EVI5: variants seen among roughly 807,000 people sequenced by gnomAD.
The protein encoded by EVI5 is ecotropic viral integration site 5 protein homolog.
EVI5 carries 73 observed loss-of-function variants against 112.0 expected under a neutral mutation model. The ratio of observed to expected loss-of-function variants is 0.65; its 90% CI spans 0.54 to 0.79. EVI5 has a LOEUF of 0.79. Among genes scored for constraint, EVI5 ranks in the 30% least tolerant of loss-of-function variants. EVI5 has a pLI of 0.00. For synonymous variants in EVI5, 305 were observed against 319.9 expected, an observed-to-expected ratio of 0.95 and a Z score of 0.50; for missense variants, 900 against 968.8, an observed-to-expected ratio of 0.93 and a Z score of 0.94.
intron 18 of EVI5, among the ~76,000 whole-genome samples, chr1:92,590,728 G>A (rs1351493412): frequency 6.6e-6 from 1 of 152,096 alleles, no homozygotes; most frequent in Non-Finnish European, 1.5e-5. Context: ...ATCTAGCAAG[G>A]CAGGCCAACA....
intron 1 of EVI5, among the ~76,000 whole-genome samples, chr1:92,758,606 C>T (rs1050611456): frequency 3.8e-4 from 57 of 149,640 alleles, no homozygotes; most frequent in Non-Finnish European, 7.8e-4. Flanking sequence ...AGACAACAAT[C>T]AGGCAGACCA....
intron 17 of EVI5, among the ~76,000 whole-genome samples, chr1:92,606,916 A>ACC: frequency 9.8e-6 from 1 of 101,530 alleles, no homozygotes; most frequent in East Asian, 5.6e-4. Flanking sequence ...ACACACACAC[A>ACC]CACACACCCC....
chr1:92,602,751 G>A (rs1649450967), intron 18 of EVI5, among the ~76,000 whole-genome samples: 1 of 152,010 alleles, frequency 6.6e-6, no homozygotes, highest in Non-Finnish European at 1.5e-5. Context: ...TTTGAAGATA[G>A]TTTTGATAAT....
chr1:92,654,661 G>T (rs1662712716), intron 13 of EVI5, among the ~76,000 whole-genome samples: 1 of 152,036 alleles, frequency 6.6e-6, no homozygotes, highest in African/African-American at 2.4e-5. Flanking sequence ...TAAATCTCTA[G>T]CAATAGATCC....
intron 18 of EVI5, among the ~76,000 whole-genome samples, chr1:92,571,586 G>C (rs1036226398): frequency 2.6e-5 from 4 of 151,738 alleles, no homozygotes; most frequent in African/African-American, 4.8e-5. Flanking sequence ...GTTAAAACAG[G>C]GTAACTATAT....
chr1:92,697,519 T>A (rs1348913470), intron 6 of EVI5, among the ~76,000 whole-genome samples: 1 of 152,178 alleles, frequency 6.6e-6, no homozygotes, highest in African/African-American at 2.4e-5. Flanking sequence ...TGGACTGATG[T>A]CAGTGTAATA....
At chr1:92,752,839 G>A (rs1020977321) in intron 1 of EVI5, among the ~76,000 whole-genome samples, 2 of 152,106 alleles carry the variant, frequency 1.3e-5, no homozygotes, top group Non-Finnish European at 2.9e-5. Context: ...AGTAATACCA[G>A]TATCACTCAC....
rs917245788 is a variant in EVI5 at position 92,784,772 on chromosome 1, C to T, written c.-82+64G>A. 7.2e-6 allele frequency: 7 copies of T among 968,554 alleles called. No individual in the cohort carries two copies. The South Asian group carries it at 2.9e-4, about 40-fold the overall frequency. 60.0% of individuals were successfully genotyped at this position (968,554 alleles called of 1,614,324 possible). A position where few individuals can be genotyped will look rare whatever the true frequency, so the allele number is the denominator to read the frequency against. ...GCGCCTCGGCCCAGCTGTGCGCCAG[C>T]GGAACACGGACTCACCGCCCGCCCG... On this transcript the variant is annotated intron_variant, in intron 1 of 19. Transcript: ENST00000684568.
chr1:92,562,458 A>T (rs1668779310), intron 19 of EVI5, among the ~76,000 whole-genome samples: 2 of 152,158 alleles, frequency 1.3e-5, no homozygotes, highest in African/African-American at 4.8e-5. Flanking sequence ...TGAACCTGGG[A>T]GGCGGAGCTT....
chr1:92,641,585 T>C (rs986804244), intron 13 of EVI5, among the ~76,000 whole-genome samples: 1 of 152,136 alleles, frequency 6.6e-6, no homozygotes, highest in Non-Finnish European at 1.5e-5. Context: ...TTTGTAATAA[T>C]GTGGGAAGAT....
Position 92,659,867 on chromosome 1 carries a change from A to T in EVI5, c.1392+2852T>A, listed in dbSNP as rs1187251090. On this transcript the variant is annotated intron_variant, in intron 13 of 19. Transcript: ENST00000684568. ...ATTGATGGATGACTGAATACAAAAAAATGGTGTGTATATACACCATGAAAT... is the reference window on the plus strand; with the variant it reads ...ATTGATGGATGACTGAATACAAAAATATGGTGTGTATATACACCATGAAAT... Among the ~76,000 whole-genome samples the T allele has an allele frequency of 4.6e-5, 7 of 152,192 alleles. No homozygotes were observed. The East Asian group carries it at 1.3e-3, about 29-fold the overall frequency.
At chr1:92,573,927 C>T (rs1437031494) in intron 18 of EVI5, among the ~76,000 whole-genome samples, 1 of 151,990 alleles carries the variant, frequency 6.6e-6, no homozygotes, top group East Asian at 1.9e-4. Flanking sequence ...TGGGGACCAG[C>T]AAAATAATTC....
At chr1:92,633,039 C>G (rs1334119899) in intron 14 of EVI5, among the ~76,000 whole-genome samples, 1 of 152,194 alleles carries the variant, frequency 6.6e-6, no homozygotes, top group Non-Finnish European at 1.5e-5. Flanking sequence ...GTTTGAGACA[C>G]AGTTTGTTAT....
Position 92,541,919 on chromosome 1 carries a change from G to T in EVI5, c.2166+21723C>A, listed in dbSNP as rs565339025. Among the ~76,000 whole-genome samples, 12 of 152,344 alleles carry T rather than the reference G, an allele frequency of 7.9e-5. No homozygotes were observed. The South Asian group carries it at 1.5e-3, about 18-fold the overall frequency. On this transcript the variant is annotated intron_variant, in intron 19 of 19. Coordinates refer to ENST00000684568, the MANE Select transcript of EVI5 (RefSeq NM_001350197.2). ...ATGCTAATGATCACCTGAGTGGTCA[G>T]CAAGTAATGGATCTTTTTGCTGGTG...
chr1:92,540,311 T>C (rs140622999), intron 19 of EVI5, among the ~76,000 whole-genome samples: 56 of 152,336 alleles, frequency 3.7e-4, no homozygotes, highest in African/African-American at 1.3e-3. Flanking sequence ...ATCAGCTGTG[T>C]ATGAGGGTTC....
intron 1 of EVI5, among the ~76,000 whole-genome samples, chr1:92,738,493 T>C (rs1677813881): frequency 6.6e-6 from 1 of 152,178 alleles, no homozygotes; most frequent in Non-Finnish European, 1.5e-5. Context: ...ACTCAGTAAG[T>C]TAATTGCTGC....
At chr1:92,636,095 T>C in intron 14 of EVI5, 107 bp downstream of exon 14, 1 of 892,396 alleles carries the variant, frequency 1.1e-6, no homozygotes, top group Non-Finnish European at 1.7e-6. Flanking sequence ...ATGTAAGGCT[T>C]CTAATGTATA....
chr1:92,522,631 C>CAAAAAAAAAAAAA (rs61277173), intron 19 of EVI5, among the ~76,000 whole-genome samples: 1 of 70,508 alleles, frequency 1.4e-5, no homozygotes. Context: ...ACTCCATCTC[C>CAAAAAAAAAAAAA]AAAAAAAAAA....
chr1:92,681,742 T>C (rs994385431), intron 9 of EVI5, among the ~76,000 whole-genome samples: 3 of 152,172 alleles, frequency 2.0e-5, no homozygotes, highest in Non-Finnish European at 4.4e-5. Context: ...GAAAACGTGC[T>C]AGATCTGTAT....
Sources: gnomAD v4.1 joint callset for allele counts (sites outside exome capture counted in the v4.1 genomes callset) on GRCh38, gnomAD v4.1.1 for gene constraint, MANE v1.5 for transcripts, NCBI Gene and HGNC (gene_info 2026-07-23, HGNC 2026-07-21) for gene names.